PSEN2: variants seen among roughly 807,000 people sequenced by gnomAD.
PSEN2 encodes the protein presenilin-2.
PSEN2 carries 32 observed loss-of-function variants against 49.1 expected under a neutral mutation model. That is an observed-to-expected ratio of 0.65 (90% confidence interval 0.49 to 0.88). PSEN2 has a LOEUF of 0.88. Among genes scored for constraint, PSEN2 ranks in the 40% least tolerant of loss-of-function variants. The pLI, the probability that PSEN2 is intolerant of heterozygous loss-of-function variation, is 0.00. For missense variants in PSEN2, 522 were observed against 586.9 expected (o/e 0.89, Z 1.14); for synonymous variants, 255 against 244.0 (o/e 1.05, Z -0.42).
chr1:226,882,066 C>T lies in PSEN2; in HGVS notation c.141+18C>T. On this transcript the variant is annotated intron_variant, in intron 4 of 12. Transcript: ENST00000366783. Reference sequence around the variant, plus strand: ...CCCAGTGGGTAGGTCCCACCAGCAGCTGGGGGCCTTCAAACAGGTCCCTGC... The same window carrying T: ...CCCAGTGGGTAGGTCCCACCAGCAGTTGGGGGCCTTCAAACAGGTCCCTGC... 1 of 1,613,510 alleles carries T rather than the reference C, an allele frequency of 6.2e-7. No individual in the cohort carries two copies.
At chr1:226,894,463 A>G (rs1661986933) in intron 12 of PSEN2, among the ~76,000 whole-genome samples, 1 of 152,214 alleles carries the variant, frequency 6.6e-6, no homozygotes, top group Non-Finnish European at 1.5e-5. Context: ...ATGACATCAG[A>G]TTTGCAGAAA....
At chr1:226,873,459 A>G (rs1453907439) in intron 2 of PSEN2, among the ~76,000 whole-genome samples, 3 of 152,126 alleles carry the variant, frequency 2.0e-5, no homozygotes, top group Non-Finnish European at 4.4e-5. Flanking sequence ...CTTGTTGCCC[A>G]GGCTGGAGTG....
chr1:226,901,423 C>G (rs183693825), downstream of PSEN2, among the ~76,000 whole-genome samples: 42 of 121,598 alleles, frequency 3.5e-4, 1 homozygote, highest in East Asian at 1.0e-2. Context: ...GTGACAAAAG[C>G]GAAACTGTCT....
At chr1:226,894,646 C>G (rs905151983) in intron 12 of PSEN2, among the ~76,000 whole-genome samples, 3 of 152,184 alleles carry the variant, frequency 2.0e-5, no homozygotes, top group Non-Finnish European at 2.9e-5. Flanking sequence ...GTTAACGTGA[C>G]CAGATACACA....
chr1:226,883,802 C>T lies in PSEN2; in HGVS notation c.239C>T (p.Thr80Ile). The change falls in exon 5 of 13, where the codon ACC (threonine) becomes ATC (isoleucine). Residue 80 changes from threonine (T) to isoleucine (I), a missense_variant. Transcript: ENST00000366783. ...CCGCCAGGCCTGGAGGAAGAGCTGA[C>T]CCTCAAATACGGAGCGAAGCACGTG... ...GRPPGLEEEL[T>I]LKYGAKHVIM... is the part of the protein sequence containing the mutation. 4 of 1,614,138 alleles carry T rather than the reference C, an allele frequency of 2.5e-6. No individual in the cohort carries two copies. Among genetic ancestry groups the T allele is most frequent in the South Asian group, 1.1e-5 (1 of 91,080 alleles).
In PSEN2 at chr1:226,895,756, C is replaced by T. The variant is rs1662108030; in HGVS notation, c.*177C>T. 1 of 776,586 alleles carries T rather than the reference C, an allele frequency of 1.3e-6. No individual in the cohort carries two copies. Among genetic ancestry groups the T allele is most frequent in the African/African-American group, 1.7e-5 (1 of 57,330 alleles). 48.1% of individuals were successfully genotyped at this position (776,586 alleles called of 1,614,324 possible). On this transcript the variant is annotated 3_prime_UTR_variant, in exon 13 of 13. Transcript: ENST00000366783. ...CTCTTTGGTGCCAGCTGTTTCATCA[C>T]CAGACTTTGGCTCCCGCTTTGGGGA...
chr1:226,897,168 C>A (rs1380709190), downstream of PSEN2, among the ~76,000 whole-genome samples: 1 of 152,078 alleles, frequency 6.6e-6, no homozygotes, highest in African/African-American at 2.4e-5. Context: ...AGGGATGGTC[C>A]CTGATGGTGA....
At chr1:226,872,038 G>C (rs1295646) in intron 2 of PSEN2, among the ~76,000 whole-genome samples, 34,195 of 152,170 alleles carry the variant, frequency 0.22, 4,028 homozygotes, top group East Asian at 0.43. Flanking sequence ...AAGTGCCCAT[G>C]TGCCAAGTCT....
chr1:226,874,489 C>T (rs1233199155), intron 2 of PSEN2, among the ~76,000 whole-genome samples: 1 of 152,128 alleles, frequency 6.6e-6, no homozygotes, highest in South Asian at 2.1e-4. Flanking sequence ...AATATGTTTA[C>T]GTGGCCATAG....
intron 12 of PSEN2, 82 bp from the exon 13 acceptor site, chr1:226,895,342 G>A: frequency 7.1e-6 from 11 of 1,540,496 alleles, no homozygotes; most frequent in Non-Finnish European, 9.8e-6. Context: ...ACAAGCTCCT[G>A]TGCCCAGGGA....
At chr1:226,879,447 G>A (rs1206897213) in intron 3 of PSEN2, among the ~76,000 whole-genome samples, 1 of 152,160 alleles carries the variant, frequency 6.6e-6, no homozygotes, top group Non-Finnish European at 1.5e-5. Flanking sequence ...TGGTCAGAAA[G>A]CTTCGGGGGC....
chr1:226,900,525 G>A (rs369626131), downstream of PSEN2, among the ~76,000 whole-genome samples: 29 of 152,314 alleles, frequency 1.9e-4, no homozygotes, highest in East Asian at 4.4e-3. Flanking sequence ...GTGGTCACCC[G>A]CTGAGAAGGA....
rs529406499 is a variant in PSEN2 at position 226,871,335 on chromosome 1, C to T, written c.-276C>T. On this transcript the variant is annotated 5_prime_UTR_variant, in exon 2 of 13. Coordinates refer to ENST00000366783, the MANE Select transcript of PSEN2 (RefSeq NM_000447.3). ...AGGAACCTGAGACAGAAGCTAGTCC[C>T]CCCTCTGAATTTTACTGATGAAGAA... The T allele has an allele frequency of 9.2e-5, 14 of 152,328 alleles. No homozygotes were observed. Among genetic ancestry groups the T allele is most frequent in the Admixed American group, 7.8e-4 (12 of 15,306 alleles). 9.4% of individuals were successfully genotyped at this position (152,328 alleles called of 1,614,324 possible).
chr1:226,902,181 G>A (rs1270671004), intron 12 of PSEN2, among the ~76,000 whole-genome samples: 1 of 152,202 alleles, frequency 6.6e-6, no homozygotes, highest in African/African-American at 2.4e-5. Context: ...CTCATGTGGA[G>A]TGTGCCACTT....
chr1:226,891,844 A>G lies in PSEN2; in HGVS notation c.1072A>G (p.Arg358Gly). The change falls in exon 11 of 13, where the codon AGG (arginine) becomes GGG (glycine). Residue 358 changes from arginine to glycine, a missense_variant and splice_region_variant. By Grantham distance (125) the Arg-to-Gly change is moderately radical (BLOSUM62 -2). Transcript: ENST00000366783. ...PGEELEEEEE[R>G]GVKLGLGDFI... ...GGAGGAGCTGGAGGAAGAGGAGGAA[A>G]GTAAGGTGCCCATGTTCACACGGCC... The G allele has an allele frequency of 6.2e-7, 1 of 1,613,450 alleles. No individual in the cohort carries two copies. Among genetic ancestry groups the G allele is most frequent in the Non-Finnish European group, 8.5e-7 (1 of 1,179,440 alleles).
chr1:226,891,031 G>C (rs1661705385), intron 9 of PSEN2: 1 of 551,670 alleles, frequency 1.8e-6, no homozygotes, highest in Non-Finnish European at 3.3e-6. Context: ...GTGAGGTCTT[G>C]GCTCTGATAG....
chr1:226,895,623 T>A lies in PSEN2; in HGVS notation c.*44T>A. On this transcript the variant is annotated 3_prime_UTR_variant, in exon 13 of 13. Coordinates refer to ENST00000366783, the MANE Select transcript of PSEN2 (RefSeq NM_000447.3). Reference sequence around the variant, plus strand: ...GGCTGCAAGCTGCAGGGAATTTTCATTGGATGCAGTTGTATAGTTTTACAC... The same window carrying A: ...GGCTGCAAGCTGCAGGGAATTTTCAATGGATGCAGTTGTATAGTTTTACAC... The A allele has an allele frequency of 1.3e-6, 2 of 1,573,110 alleles. No individual in the cohort carries two copies. The highest frequency in any genetic ancestry group is 1.7e-6 in the Non-Finnish European group (2 of 1,155,002).
At chr1:226,878,143 G>A (rs1009207649) in intron 3 of PSEN2, among the ~76,000 whole-genome samples, 5 of 151,594 alleles carry the variant, frequency 3.3e-5, no homozygotes, top group African/African-American at 4.8e-5. Flanking sequence ...GCAGTGGTGC[G>A]ATCTCAGCTC....
chr1:226,896,186 G>T (rs1662138858), downstream of PSEN2: 1 of 159,972 alleles, frequency 6.3e-6, no homozygotes, highest in Non-Finnish European at 1.4e-5. Flanking sequence ...GCCCAGGATG[G>T]AGGCAGTTTG....
Sources: allele counts gnomAD v4.1 joint callset (sites outside exome capture counted in the v4.1 genomes callset), GRCh38; gene constraint gnomAD v4.1.1; transcripts MANE v1.5; gene names NCBI Gene and HGNC (gene_info 2026-07-23, HGNC 2026-07-21).